ANKRD27: variants seen among roughly 807,000 people sequenced by gnomAD.
ANKRD27 encodes the protein ankyrin repeat domain-containing protein 27.
Under a neutral mutation model 129.7 loss-of-function variants are expected in ANKRD27, and 112 were observed. The observed-to-expected ratio is 0.86, with a 90% CI of 0.74 to 1.01. The LOEUF (loss-of-function observed/expected upper bound fraction) is 1.01. Among genes scored for constraint, ANKRD27 ranks in the 50% least tolerant of loss-of-function variants. ANKRD27 has a pLI of 0.00. For synonymous variants in ANKRD27, 516 were observed against 511.2 expected (o/e 1.01, Z -0.13); for missense variants, 1,258 against 1,300.5 (o/e 0.97, Z 0.50).
rs192429378 is a variant in ANKRD27, at chr19:32,617,823, C to T, written c.2008-190G>A. ...AGGATGGAGTGCAGTGGCGCAATCT[C>T]GGCTCACCGCAACCTCCGCCTCCCA... On this transcript the variant is annotated intron_variant, in intron 20 of 28. Coordinates refer to ENST00000306065, the MANE Select transcript of ANKRD27 (RefSeq NM_032139.3). Among the ~76,000 whole-genome samples, 130 of 149,760 alleles carry T rather than the reference C, an allele frequency of 8.7e-4. 2 individuals carry two copies. The South Asian group carries it at 0.012, about 13-fold the overall frequency.
intron 2 of ANKRD27, among the ~76,000 whole-genome samples, chr19:32,652,940 GAAGAA>G (rs1269807418): frequency 2.0e-5 from 3 of 152,180 alleles, no homozygotes; most frequent in South Asian, 2.1e-4. Context: ...AAGAAAGAAA[GAAGAA>G]AAGAAAAGTC....
intron 12 of ANKRD27, among the ~76,000 whole-genome samples, 183 bp from the exon 13 acceptor site, chr19:32,631,677 G>A (rs1313826264): frequency 1.3e-5 from 2 of 152,224 alleles, no homozygotes; most frequent in African/African-American, 4.8e-5. Flanking sequence ...AAGGCTTCCT[G>A]GAAGTGGAGG....
At chr19:32,656,175 T>A (rs1285504158) in intron 2 of ANKRD27, among the ~76,000 whole-genome samples, 1 of 151,736 alleles carries the variant, frequency 6.6e-6, no homozygotes, top group Admixed American at 6.6e-5. Context: ...CCAGGCTCAC[T>A]AACACCATGC....
At chr19:32,599,659 C>T (rs766923854) in intron 28 of ANKRD27, 45 bp downstream of exon 28, 118 of 1,563,728 alleles carry the variant, frequency 7.5e-5, no homozygotes, top group Non-Finnish European at 1.0e-4. Flanking sequence ...TTGACAAAGC[C>T]GGGCTTTAGA....
rs1242380046 is a variant in ANKRD27, at chr19:32,599,994, C to A, written c.2824G>T (p.Val942Phe). 1 of 1,612,892 alleles carries A rather than the reference C, an allele frequency of 6.2e-7. No individual in the cohort carries two copies. Among genetic ancestry groups the A allele is most frequent in the African/African-American group, 1.3e-5 (1 of 75,024 alleles). ...DEPFTRQFYF[V>F]HSAGQFKGKT... ...CACTTAAACTGACCAGCTGAGTGGA[C>A]AAAGTAAAACTGTCTTGTAAAAGGC... Residue 942 changes from valine to phenylalanine, a missense_variant, in exon 27 of 29, where the codon GTC becomes TTC. Val to Phe is a conservative substitution (Grantham distance 50). Coordinates refer to ENST00000306065, the MANE Select transcript of ANKRD27 (RefSeq NM_032139.3).
At chr19:32,649,552 G>T (rs1045410104) in intron 3 of ANKRD27, 130 bp downstream of exon 3, 14 of 695,392 alleles carry the variant, frequency 2.0e-5, no homozygotes, top group Non-Finnish European at 3.3e-5. Context: ...AGCCCCCCAC[G>T]GGGCTGCAGT....
chr19:32,613,319 C>T (rs146461919), intron 22 of ANKRD27, among the ~76,000 whole-genome samples: 166 of 152,252 alleles, frequency 1.1e-3, no homozygotes, highest in Non-Finnish European at 1.9e-3. Flanking sequence ...ACTCATACAT[C>T]GCTGGTGGGC....
chr19:32,635,070 A>C (rs548013316), intron 12 of ANKRD27, among the ~76,000 whole-genome samples: 6 of 152,278 alleles, frequency 3.9e-5, no homozygotes, highest in Admixed American at 3.9e-4. Flanking sequence ...ACCTCCTTAC[A>C]ACCTGGTGAA....
intron 2 of ANKRD27, among the ~76,000 whole-genome samples, chr19:32,651,714 T>G (rs1967420035): frequency 6.6e-6 from 1 of 152,254 alleles, no homozygotes; most frequent in South Asian, 2.1e-4. Context: ...TCTGCCCCAC[T>G]GTGCCCACAT....
At chr19:32,674,170 C>A (rs1967931568) in intron 1 of ANKRD27, among the ~76,000 whole-genome samples, 2 of 151,718 alleles carry the variant, frequency 1.3e-5, no homozygotes, top group South Asian at 4.2e-4. Flanking sequence ...AAGAAAAAAA[C>A]GAAAAGAAAG....
At chr19:32,632,351 C>T (rs1967009701) in intron 12 of ANKRD27, among the ~76,000 whole-genome samples, 1 of 150,640 alleles carries the variant, frequency 6.6e-6, no homozygotes. Flanking sequence ...TTTGAGGGGC[C>T]GAGGCGCGTG....
intron 3 of ANKRD27, among the ~76,000 whole-genome samples, chr19:32,648,798 CAAAA>C (rs34589766): frequency 1.0e-5 from 1 of 100,164 alleles, no homozygotes. Context: ...GATTCCATCT[CAAAA>C]AAAAAAAAAA....
At chr19:32,604,559 G>A (rs1971702592) in intron 24 of ANKRD27, 135 bp from the exon 25 acceptor site, 1 of 913,916 alleles carries the variant, frequency 1.1e-6, no homozygotes, top group Non-Finnish European at 1.6e-6. Context: ...ATTTGGGGAG[G>A]AAAAGTAATA....
At position 32,643,310 on chromosome 19, in the gene ANKRD27, C is replaced by A. The variant is rs138679508; in HGVS notation, c.682G>T (p.Val228Leu). ...HEIYNLIFKY[V>L]GTMEASEDAA... ...ACCTCACTTGCCTCCATGGTCCCCA[C>A]GTATTTAAAGATCAGGTTGTAAATT... Residue 228 changes from valine to leucine, a missense_variant, in exon 8 of 29, where the codon GTG becomes TTG. Transcript: ENST00000306065. The A allele has an allele frequency of 1.9e-6, 3 of 1,613,948 alleles. No individual in the cohort carries two copies. Among genetic ancestry groups the A allele is most frequent in the Non-Finnish European group, 2.5e-6 (3 of 1,180,006 alleles).
At chr19:32,636,682 T>A (rs1433254265) in intron 12 of ANKRD27, among the ~76,000 whole-genome samples, 1 of 150,780 alleles carries the variant, frequency 6.6e-6, no homozygotes, top group Non-Finnish European at 1.5e-5. Context: ...AGGAAAAAAT[T>A]AAGCTATTCT....
Position 32,644,369 on chromosome 19 carries a change from G to A in ANKRD27, c.481C>T (p.Arg161Ter), listed in dbSNP as rs755184107. Reference protein sequence around the residue: ...RFDRNIASFHRTFRECERKSL... With the variant: ...RFDRNIASFH Reference sequence around the variant, plus strand: ...TTTCTCTCGCATTCTCGGAATGTTCGATGGAAAGAGGCGATGTTCCTGTCA... The same window carrying A: ...TTTCTCTCGCATTCTCGGAATGTTCAATGGAAAGAGGCGATGTTCCTGTCA... Residue 161 changes from arginine (R) to a stop codon, truncating the protein, a stop_gained, in exon 5 of 29, where the codon CGA becomes TGA. Coordinates refer to ENST00000306065, the MANE Select transcript of ANKRD27 (RefSeq NM_032139.3). LOFTEE classifies it high-confidence loss of function. The A allele has an allele frequency of 5.6e-6, 9 of 1,613,816 alleles. No individual in the cohort carries two copies. The highest frequency in any genetic ancestry group is 3.3e-5 in the Admixed American group (2 of 59,960).
chr19:32,647,958 C>A (rs1259257544), intron 3 of ANKRD27, among the ~76,000 whole-genome samples: 7 of 152,180 alleles, frequency 4.6e-5, no homozygotes, highest in African/African-American at 1.7e-4. Flanking sequence ...AATGTTTTTT[C>A]TGTTGCAACA....
intron 3 of ANKRD27, among the ~76,000 whole-genome samples, 177 bp from the exon 4 acceptor site, chr19:32,646,792 T>C (rs1021809413): frequency 1.3e-5 from 2 of 152,192 alleles, no homozygotes; most frequent in Non-Finnish European, 2.9e-5. Context: ...TTCCTCTTTG[T>C]TGGCCTAGTA....
At chr19:32,617,533 C>T in intron 21 of ANKRD27, 56 bp downstream of exon 21, 2 of 716,722 alleles carry the variant, frequency 2.8e-6, no homozygotes, top group Non-Finnish European at 5.1e-6. Context: ...GGTGACAGAA[C>T]AAGACCCTGT....
Sources: gnomAD v4.1 joint callset for allele counts (sites outside exome capture counted in the v4.1 genomes callset) on GRCh38, gnomAD v4.1.1 for gene constraint, MANE v1.5 for transcripts, NCBI Gene and HGNC (gene_info 2026-07-23, HGNC 2026-07-21) for gene names.